The following PCDHAC1 variants were observed in gnomAD, a reference collection of about 807,000 sequenced individuals.
PCDHAC1 encodes protocadherin alpha-C1.
PCDHAC1 carries 42 observed loss-of-function variants against 60.0 expected under a neutral mutation model. That is an observed-to-expected ratio of 0.70 (90% CI 0.55 to 0.90). PCDHAC1 has a LOEUF of 0.90. Among genes scored for constraint, PCDHAC1 ranks in the 40% least tolerant of loss-of-function variants. PCDHAC1 has a pLI of 0.00. For missense variants in PCDHAC1, 1,160 were observed against 1,222.3 expected (o/e 0.95, Z 0.76); for synonymous variants, 468 against 499.3 (o/e 0.94, Z 0.84).
At chr5:140,966,882 C>T (rs782464160) in intron 1 of PCDHAC1, 1 of 1,589,690 alleles carries the variant, frequency 6.3e-7, no homozygotes, top group Admixed American at 1.7e-5. Flanking sequence ...CTACCTGGCC[C>T]TGCGGCCTCC....
Position 140,927,960 on chromosome 5 carries a change from C to G in PCDHAC1, c.1068C>G (p.Gly356=). Residue 356 remains glycine (G), a synonymous_variant, in exon 1 of 4, where the codon GGC becomes GGG. Coordinates refer to ENST00000253807, the MANE Select transcript of PCDHAC1 (RefSeq NM_018898.5). ...SNPVPEDAAP[G]TVIALFSVKD... is the part of the protein sequence containing the mutation. ...CAGTACCTGAGGACGCTGCCCCTGG[C>G]ACAGTGATTGCTCTCTTTAGTGTAA... 2 of 1,614,196 alleles carry G rather than the reference C, an allele frequency of 1.2e-6. No homozygotes were observed. Among genetic ancestry groups the G allele is most frequent in the Non-Finnish European group, 1.7e-6 (2 of 1,180,020 alleles).
chr5:140,959,303 T>C (rs1467527270), intron 1 of PCDHAC1, among the ~76,000 whole-genome samples: 1 of 151,938 alleles, frequency 6.6e-6, no homozygotes, highest in African/African-American at 2.4e-5. Flanking sequence ...CTGAGCCCGG[T>C]GGTTGAAGCT....
intron 1 of PCDHAC1, chr5:140,966,642 GA>G (rs1563353190): frequency 3.1e-5 from 35 of 1,117,790 alleles, no homozygotes; most frequent in Non-Finnish European, 4.1e-5. Context: ...GCGCTTTCTA[GA>G]GCGTGAGCGG....
At chr5:140,954,618 G>C (rs1312581802) in intron 1 of PCDHAC1, among the ~76,000 whole-genome samples, 3 of 152,078 alleles carry the variant, frequency 2.0e-5, no homozygotes, top group Non-Finnish European at 2.9e-5. Flanking sequence ...TAATGGGCTT[G>C]TTTGGGTTTT....
At chr5:140,988,805 C>T (rs782160959) in intron 3 of PCDHAC1, 8 of 152,232 alleles carry the variant, frequency 5.3e-5, no homozygotes, top group African/African-American at 1.4e-4. Context: ...GAATTTCTTC[C>T]GTAACAGTAG....
rs2098419648 is a variant in PCDHAC1 at position 141,011,160 on chromosome 5, A to AT, written c.*1224dup. The AT allele has an allele frequency of 6.5e-6, 1 of 153,706 alleles. No homozygotes were observed. The highest frequency in any genetic ancestry group is 2.4e-5 in the African/African-American group (1 of 41,436). 9.5% of individuals were successfully genotyped at this position (153,706 alleles called of 1,614,324 possible). A position where few individuals can be genotyped will look rare whatever the true frequency, so the allele number is the denominator to read the frequency against. ...TACACAACCTTCTCTAACCAACTAT[A>AT]TATCAAGACCCAAAAATTGAAGAAA... On this transcript the variant is annotated 3_prime_UTR_variant, in exon 4 of 4. Coordinates refer to ENST00000253807, the MANE Select transcript of PCDHAC1 (RefSeq NM_018898.5).
rs1255289031 is a variant in PCDHAC1 at position 141,010,188 on chromosome 5, T to C, written c.*251T>C. On this transcript the variant is annotated 3_prime_UTR_variant, in exon 4 of 4. Transcript: ENST00000253807. Reference sequence around the variant, plus strand: ...CAGAACCTAAAAAGCAGACCCAAGTTTCCTTTCTCCTCCGCCGCAAAGGAG... The same window carrying C: ...CAGAACCTAAAAAGCAGACCCAAGTCTCCTTTCTCCTCCGCCGCAAAGGAG... 1.3e-6 allele frequency: 2 copies of C among 1,552,952 alleles called. No individual in the cohort carries two copies. Among genetic ancestry groups the C allele is most frequent in the Non-Finnish European group, 8.7e-7 (1 of 1,147,482 alleles).
chr5:140,938,761 G>A (rs1414324125), intron 1 of PCDHAC1, among the ~76,000 whole-genome samples: 5 of 151,992 alleles, frequency 3.3e-5, no homozygotes, highest in Non-Finnish European at 7.4e-5. Flanking sequence ...CATAGTTATT[G>A]GGTACTAGAC....
chr5:141,007,037 T>C (rs1413139986), intron 3 of PCDHAC1, among the ~76,000 whole-genome samples: 1 of 152,170 alleles, frequency 6.6e-6, no homozygotes, highest in Non-Finnish European at 1.5e-5. Flanking sequence ...TTTATATCTA[T>C]GGATATGGCT....
At chr5:140,940,372 AGTT>A (rs2092600737) in intron 1 of PCDHAC1, among the ~76,000 whole-genome samples, 1 of 151,970 alleles carries the variant, frequency 6.6e-6, no homozygotes, top group Non-Finnish European at 1.5e-5. Flanking sequence ...GTATTCCTTG[AGTT>A]GTTAATTTTG....
intron 1 of PCDHAC1, among the ~76,000 whole-genome samples, chr5:140,947,807 G>T (rs542859945): frequency 3.6e-4 from 55 of 151,694 alleles, no homozygotes; most frequent in Non-Finnish European, 7.1e-4. Context: ...AATTTGCAGA[G>T]ACTATTTCTT....
rs1554205028 is a variant in PCDHAC1 at position 140,927,761 on chromosome 5, G to C, written c.869G>C (p.Ser290Thr). 6.2e-7 allele frequency: 1 copy of C among 1,614,102 alleles called. No individual in the cohort carries two copies. ...CACCGCTTTCACGTGCACCCTAAAAGTGGGGAGGTGCAAGTAGCTGCTTCA... is the reference window on the plus strand; with the variant it reads ...CACCGCTTTCACGTGCACCCTAAAACTGGGGAGGTGCAAGTAGCTGCTTCA... ...LRHRFHVHPKSGEVQVAASLG... is the reference protein window; with the variant it reads ...LRHRFHVHPKTGEVQVAASLG... The change falls in exon 1 of 4, where the codon AGT becomes ACT. Residue 290 changes from serine to threonine, a missense_variant. Physicochemically the swap from Ser to Thr is moderately conservative, Grantham distance 58 (BLOSUM62 1). Around this residue, in one of 3 missense-constraint regions of PCDHAC1, gnomAD observed 1,113 missense variants for 1,163.7 expected, o/e 0.96. Coordinates refer to ENST00000253807, the MANE Select transcript of PCDHAC1 (RefSeq NM_018898.5).
chr5:140,953,093 A>T (rs2153698233), intron 1 of PCDHAC1, among the ~76,000 whole-genome samples: 1 of 152,346 alleles, frequency 6.6e-6, no homozygotes, highest in East Asian at 1.9e-4. Flanking sequence ...TTACAATTTG[A>T]CATGAGATTT....
chr5:141,009,771 T>C lies in PCDHAC1; in HGVS notation c.2726T>C (p.Ile909Thr), dbSNP rs142720081. 3.1e-5 allele frequency: 50 copies of C among 1,613,964 alleles called. No homozygotes were observed. The highest frequency in any genetic ancestry group is 1.6e-4 in the Middle Eastern group (1 of 6,084). Residue 909 changes from isoleucine (I) to threonine (T), a missense_variant, in exon 4 of 4, where the codon ATC (isoleucine) becomes ACC (threonine). Transcript: ENST00000253807. ...DKFIIPGSPA[I>T]ISIRQEPTNS... ...TTCATTATCCCAGGATCTCCTGCAA[T>C]CATCTCCATCCGGCAGGAGCCTACT...
intron 1 of PCDHAC1, among the ~76,000 whole-genome samples, chr5:140,974,689 T>A (rs2153804618): frequency 1.3e-5 from 2 of 152,208 alleles, no homozygotes; most frequent in South Asian, 4.1e-4. Flanking sequence ...TTTTGTATTT[T>A]TGGGTTTCAC....
At chr5:141,007,161 G>C (rs2098308747) in intron 3 of PCDHAC1, among the ~76,000 whole-genome samples, 1 of 152,146 alleles carries the variant, frequency 6.6e-6, no homozygotes, top group Non-Finnish European at 1.5e-5. Context: ...TCAAAGAACA[G>C]TCAGAGAGAA....
intron 1 of PCDHAC1, chr5:140,930,195 G>A (rs1427541259): frequency 6.6e-6 from 1 of 152,140 alleles, no homozygotes; most frequent in East Asian, 1.9e-4. Context: ...TAATTTTTAT[G>A]TCAGAAATAT....
chr5:140,984,960 CAG>C (rs1387655082), intron 3 of PCDHAC1, among the ~76,000 whole-genome samples: 2 of 151,386 alleles, frequency 1.3e-5, no homozygotes, highest in African/African-American at 4.9e-5. Context: ...TTTTTTGAGA[CAG>C]AGTCTCGCTC....
chr5:141,005,798 C>T (rs1236554438), intron 3 of PCDHAC1, among the ~76,000 whole-genome samples: 1 of 143,634 alleles, frequency 7.0e-6, no homozygotes, highest in African/African-American at 2.6e-5. Context: ...GCAAAAACAA[C>T]TCCAAGGAGC....
Sources: gnomAD v4.1 joint callset for allele counts (sites outside exome capture counted in the v4.1 genomes callset) on GRCh38, gnomAD v4.1.1 for gene constraint, gnomAD v4.1.1 regional missense constraint, MANE v1.5 for transcripts, NCBI Gene and HGNC (gene_info 2026-07-23, HGNC 2026-07-21) for gene names.